The following ZCCHC2 variants were observed in gnomAD, a reference collection of about 807,000 sequenced individuals.
ZCCHC2 encodes the protein zinc finger CCHC-type containing 2, also known as zinc finger CCHC domain-containing protein 2.
Under a neutral mutation model 103.6 loss-of-function variants are expected in ZCCHC2, and 39 were observed. That is an observed-to-expected ratio of 0.38 (90% CI 0.29 to 0.49). The LOEUF is 0.49. Ranked by LOEUF, ZCCHC2 falls within the 20% of genes least tolerant of loss-of-function variation. The pLI, the probability that ZCCHC2 is intolerant of heterozygous loss-of-function variation, is 0.96. For missense variants in ZCCHC2, 1,483 were observed against 1,491.0 expected (o/e 0.99, Z 0.09); for synonymous variants, 687 against 608.9 (o/e 1.13, Z -1.89).
At chr18:62,561,337 T>C (rs1364486898) in intron 8 of ZCCHC2, among the ~76,000 whole-genome samples, 2 of 152,230 alleles carry the variant, frequency 1.3e-5, no homozygotes, top group Non-Finnish European at 2.9e-5. Flanking sequence ...TATCATCTGG[T>C]TCTCCCTTTA....
At chr18:62,529,823 C>T (rs1914605193) in intron 1 of ZCCHC2, among the ~76,000 whole-genome samples, 2 of 152,260 alleles carry the variant, frequency 1.3e-5, no homozygotes, top group South Asian at 2.1e-4. Flanking sequence ...TTTATACATA[C>T]CCATGGTTTC....
rs1568532766 is a variant in ZCCHC2, at chr18:62,524,281, G to GGCTCCGCGCCGC, written c.866_877dup (p.Ala289_Arg292dup). On this transcript the variant is annotated inframe_insertion, in exon 1 of 14. Coordinates refer to ENST00000269499, the MANE Select transcript of ZCCHC2 (RefSeq NM_017742.6). ...GTCACCCTGAGGGAACACTTGGAGA[G>GGCTCCGCGCCGC]GCTCCGCGCCGCGCTCCGCGGGGGC... 1.7e-5 allele frequency: 26 copies of GGCTCCGCGCCGC among 1,549,164 alleles called. No homozygotes were observed. The highest frequency in any genetic ancestry group is 3.5e-6 in the Non-Finnish European group (4 of 1,146,498).
chr18:62,544,780 ATG>A lies in ZCCHC2; in HGVS notation c.1129-16_1129-15del, dbSNP rs143702074. 0.2 allele frequency: 306,773 copies of A among 1,530,812 alleles called. 32,419 individuals are homozygous for A. Among genetic ancestry groups the A allele is most frequent in the East Asian group, 0.28 (11,305 of 39,836 alleles). The allele number at this position is 1,530,812 out of a possible 1,614,324, so 94.8% of individuals were successfully genotyped here. A position where few individuals can be genotyped will look rare whatever the true frequency, so the allele number is the denominator to read the frequency against. The stretch of plus-strand genomic sequence containing the variant: ...CCTGCCTAGGGAATAACCATATAAT[ATG>A]TGTGTTTTTTTTAAATCAGGTAAAT... On this transcript the variant is annotated intron_variant, in intron 3 of 13. Coordinates refer to ENST00000269499, the MANE Select transcript of ZCCHC2 (RefSeq NM_017742.6).
intron 1 of ZCCHC2, among the ~76,000 whole-genome samples, chr18:62,528,445 A>C (rs1479676682): frequency 6.6e-6 from 1 of 152,056 alleles, no homozygotes; most frequent in South Asian, 2.1e-4. Flanking sequence ...AAAATACAAA[A>C]AAAGTTAGCC....
chr18:62,575,635 A>T, intron 13 of ZCCHC2, 85 bp downstream of exon 13: 2 of 1,456,542 alleles, frequency 1.4e-6, no homozygotes, highest in Non-Finnish European at 1.9e-6. Flanking sequence ...ATTCTGTTGT[A>T]GCAGAAAGAT....
At chr18:62,542,646 T>C (rs907954789) in intron 3 of ZCCHC2, 72 bp downstream of exon 3, 1 of 1,340,992 alleles carries the variant, frequency 7.5e-7, no homozygotes, top group Admixed American at 2.1e-5. Flanking sequence ...TTGTGGCAGG[T>C]TTGCTAATTT....
intron 6 of ZCCHC2, 110 bp downstream of exon 6, chr18:62,556,407 G>A (rs80352488): frequency 3.8e-6 from 3 of 796,204 alleles, no homozygotes; most frequent in Non-Finnish European, 5.8e-6. Context: ...AAGGAATAGT[G>A]ACATACATTT....
intron 5 of ZCCHC2, among the ~76,000 whole-genome samples, chr18:62,553,201 T>C (rs955420636): frequency 2.1e-5 from 3 of 146,290 alleles, no homozygotes; most frequent in Non-Finnish European, 3.1e-5. Context: ...TGTGTGTGTG[T>C]GTATTTCCTT....
chr18:62,536,370 T>TCA (rs553297553), intron 1 of ZCCHC2, among the ~76,000 whole-genome samples: 112 of 152,358 alleles, frequency 7.4e-4, no homozygotes, highest in African/African-American at 2.5e-3. Context: ...GCTTTCTTGA[T>TCA]ACAAACAGAG....
chr18:62,550,261 T>G, intron 4 of ZCCHC2, 87 bp from the exon 5 acceptor site: 1 of 970,064 alleles, frequency 1.0e-6, no homozygotes, highest in Non-Finnish European at 1.6e-6. Flanking sequence ...CAGGAGGCAT[T>G]AATCTTCATT....
At position 62,576,862 on chromosome 18, in the gene ZCCHC2, C is replaced by G. The variant is rs538996616; in HGVS notation, c.*283C>G. 57 of 274,334 alleles carry G rather than the reference C, an allele frequency of 2.1e-4. 1 individual carries two copies. The highest frequency in any genetic ancestry group is 1.5e-3 in the African/African-American group (56 of 36,236). The allele number at this position is 274,334 out of a possible 1,614,324, so 17.0% of individuals were successfully genotyped here. A position where few individuals can be genotyped will look rare whatever the true frequency, so the allele number is the denominator to read the frequency against. On this transcript the variant is annotated 3_prime_UTR_variant, in exon 14 of 14. Transcript: ENST00000269499. ...GTGCGTGCTTTTTTTTTTTTTTTTA[C>G]ACTGAATACTTGCTGTGTGCAATGT...
chr18:62,545,151 C>T (rs915718964), intron 4 of ZCCHC2, among the ~76,000 whole-genome samples: 3 of 151,766 alleles, frequency 2.0e-5, no homozygotes, highest in Admixed American at 6.6e-5. Flanking sequence ...TTTGGGAGGC[C>T]AAGGCGGGAG....
intron 10 of ZCCHC2, 87 bp from the exon 11 acceptor site, chr18:62,564,915 T>A (rs2145524095): frequency 2.0e-6 from 2 of 981,286 alleles, no homozygotes; most frequent in East Asian, 5.1e-5. Context: ...ATTTGAAGAG[T>A]CTTGAAGGAA....
chr18:62,565,000 A>C lies in ZCCHC2; in HGVS notation c.1752-2A>C. On this transcript the variant is annotated splice_acceptor_variant, in intron 10 of 13. Transcript: ENST00000269499. LOFTEE classifies it high-confidence loss of function. ...TGTTGGCAATATGTTCATTTGGTTT[A>C]GGGAGAAAATTAAGAAAACTGACAA... is the stretch of plus-strand genomic sequence containing the variant. 1 of 1,601,770 alleles carries C rather than the reference A, an allele frequency of 6.2e-7. No individual in the cohort carries two copies. Among genetic ancestry groups the C allele is most frequent in the Non-Finnish European group, 8.6e-7 (1 of 1,169,064 alleles).
intron 1 of ZCCHC2, among the ~76,000 whole-genome samples, chr18:62,528,447 A>C (rs1914532269): frequency 6.6e-6 from 1 of 152,032 alleles, no homozygotes; most frequent in African/African-American, 2.4e-5. Flanking sequence ...AATACAAAAA[A>C]AGTTAGCCGG....
rs772627137 is a variant in ZCCHC2 at position 62,539,792 on chromosome 18, G to C, written c.1051G>C (p.Ala351Pro). The C allele has an allele frequency of 6.2e-7, 1 of 1,601,928 alleles. No homozygotes were observed. Among genetic ancestry groups the C allele is most frequent in the Non-Finnish European group, 8.5e-7 (1 of 1,173,652 alleles). ...GGCACCTCACAGAGCTCAGCGAGAA[G>C]GTATGCTCTCTTTTTTGTAAACTTA... ...TVAPHRAQRE[A>P]VHIEKIMLKG... is the part of the protein sequence containing the mutation. The change falls in exon 2 of 14, where the codon GCT (alanine) becomes CCT (proline). Residue 351 changes from alanine (A) to proline (P), a missense_variant and splice_region_variant. Coordinates refer to ENST00000269499, the MANE Select transcript of ZCCHC2 (RefSeq NM_017742.6).
chr18:62,550,434 A>G lies in ZCCHC2; in HGVS notation c.1287A>G (p.Arg429=), dbSNP rs746929519. The change falls in exon 5 of 14, where the codon CGA becomes CGG. Residue 429 remains arginine, a synonymous_variant. Coordinates refer to ENST00000269499, the MANE Select transcript of ZCCHC2 (RefSeq NM_017742.6). ...NQGSLKREER[R]HPDLEPILRQ... ...GTTCCTTGAAAAGGGAGGAACGGCG[A>G]CATCCTGACCTAGAGCCCATCCTAA... 1.8e-4 allele frequency: 292 copies of G among 1,613,620 alleles called. 6 individuals are homozygous for G. The highest frequency in any genetic ancestry group is 1.8e-3 in the South Asian group (161 of 90,938).
intron 4 of ZCCHC2, among the ~76,000 whole-genome samples, chr18:62,549,024 CCTGA>C (rs1204250265): frequency 1.3e-5 from 2 of 152,036 alleles, no homozygotes; most frequent in South Asian, 2.1e-4. Flanking sequence ...TTGAGACCAT[CCTGA>C]CTAACACGGT....
chr18:62,542,718 T>A (rs1915253714), intron 3 of ZCCHC2, 144 bp downstream of exon 3: 2 of 661,274 alleles, frequency 3.0e-6, no homozygotes, highest in African/African-American at 3.6e-5. Context: ...TATCATATAC[T>A]ACTGCATGGT....
Sources: allele counts gnomAD v4.1 joint callset (sites outside exome capture counted in the v4.1 genomes callset), GRCh38; gene constraint gnomAD v4.1.1; transcripts MANE v1.5; gene names NCBI Gene and HGNC (gene_info 2026-07-23, HGNC 2026-07-21).